RAB38: variants seen among roughly 807,000 people sequenced by gnomAD.
RAB38 encodes ras-related protein Rab-38.
Under a neutral mutation model 18.4 loss-of-function variants are expected in RAB38, and 15 were observed. The ratio of observed to expected loss-of-function variants is 0.82; its 90% CI spans 0.55 to 1.26. RAB38 has a LOEUF of 1.26. Ranked by LOEUF, RAB38 falls within the 50% of genes most tolerant of loss-of-function variation. The probability of loss-of-function intolerance (pLI) is 0.00; values close to 1 mark genes in which losing one functional copy is unlikely to be tolerated. For missense variants in RAB38, 294 were observed against 267.4 expected (o/e 1.10, Z -0.69); for synonymous variants, 101 against 104.4 (o/e 0.97, Z 0.20).
At chr11:87,949,322 G>T in the RAB38 span, among the ~76,000 whole-genome samples, 1 of 151,898 alleles carries the variant, frequency 6.6e-6, no homozygotes, top group African/African-American at 2.4e-5. Context: ...CAGTTTTGTT[G>T]ATCCTTTCAA....
the RAB38 span, among the ~76,000 whole-genome samples, chr11:87,877,987 A>G: frequency 6.6e-6 from 1 of 151,064 alleles, no homozygotes; most frequent in Non-Finnish European, 1.5e-5. Context: ...TTATCCTTGT[A>G]ACATGAAGCA....
the RAB38 span, among the ~76,000 whole-genome samples, chr11:87,933,940 A>G: frequency 6.6e-6 from 1 of 152,088 alleles, no homozygotes; most frequent in Non-Finnish European, 1.5e-5. Context: ...GAAAGGCATC[A>G]TGAAGAGAAG....
At chr11:87,963,262 C>T in the RAB38 span, among the ~76,000 whole-genome samples, 1 of 152,106 alleles carries the variant, frequency 6.6e-6, no homozygotes, top group Non-Finnish European at 1.5e-5. Flanking sequence ...CCACAGAGCC[C>T]TCTGTTTAGG....
chr11:87,956,160 A>C, the RAB38 span, among the ~76,000 whole-genome samples: 1 of 152,318 alleles, frequency 6.6e-6, no homozygotes, highest in African/African-American at 2.4e-5. Context: ...TATTTAACTT[A>C]TCTGAAAATA....
chr11:87,926,714 T>A, the RAB38 span, among the ~76,000 whole-genome samples: 1 of 151,964 alleles, frequency 6.6e-6, no homozygotes, highest in Non-Finnish European at 1.5e-5. Flanking sequence ...GCTTTATTAC[T>A]CAAGGATGAG....
the RAB38 span, among the ~76,000 whole-genome samples, chr11:87,962,712 T>C: frequency 1.1e-4 from 16 of 152,192 alleles, no homozygotes; most frequent in East Asian, 7.7e-4. Context: ...CCCTGAAAAT[T>C]TTTTCAGACG....
At chr11:88,102,024 C>T in the RAB38 span, among the ~76,000 whole-genome samples, 3 of 151,844 alleles carry the variant, frequency 2.0e-5, no homozygotes, top group Admixed American at 2.0e-4. Flanking sequence ...GTATGGTACG[C>T]ACAAGTAAAG....
At chr11:88,016,988 A>G in the RAB38 span, among the ~76,000 whole-genome samples, 28 of 152,118 alleles carry the variant, frequency 1.8e-4, no homozygotes, top group Non-Finnish European at 1.8e-4. Context: ...GATAAATGTT[A>G]ATAGGGAAAG....
the RAB38 span, among the ~76,000 whole-genome samples, chr11:87,930,916 T>G: frequency 6.6e-6 from 1 of 152,130 alleles, no homozygotes; most frequent in East Asian, 1.9e-4. Context: ...TCTGTTCCAT[T>G]GGTCTATATC....
intron 1 of RAB38, among the ~76,000 whole-genome samples, chr11:88,170,627 A>G (rs1449200355): frequency 6.6e-6 from 1 of 152,188 alleles, no homozygotes. Flanking sequence ...TACTTTGTCT[A>G]TGGGACAGTT....
chr11:87,946,910 A>G, the RAB38 span, among the ~76,000 whole-genome samples: 1 of 149,170 alleles, frequency 6.7e-6, no homozygotes, highest in African/African-American at 2.5e-5. Flanking sequence ...ATACCCAGTA[A>G]TGGGATGGCT....
chr11:88,041,536 A>G, the RAB38 span, among the ~76,000 whole-genome samples: 2 of 152,244 alleles, frequency 1.3e-5, no homozygotes, highest in Non-Finnish European at 2.9e-5. Context: ...TAAACTTTTT[A>G]TAGGTCAATG....
At chr11:87,834,219 C>G in the RAB38 span, among the ~76,000 whole-genome samples, 1 of 152,194 alleles carries the variant, frequency 6.6e-6, no homozygotes, top group Admixed American at 6.6e-5. Flanking sequence ...AACAAGGAAA[C>G]TGTGACTTCA....
At chr11:88,174,052 A>C in intron 1 of RAB38, 2 of 985,442 alleles carry the variant, frequency 2.0e-6, no homozygotes, top group Non-Finnish European at 2.4e-6. Context: ...CTGGTGTCAC[A>C]GACCATGAAA....
the RAB38 span, among the ~76,000 whole-genome samples, chr11:87,869,022 G>A: frequency 2.0e-5 from 3 of 151,718 alleles, no homozygotes; most frequent in Non-Finnish European, 3.0e-5. Flanking sequence ...TGACTTTCTA[G>A]CTGAGAACTT....
chr11:87,927,920 A>G, the RAB38 span, among the ~76,000 whole-genome samples: 1 of 151,902 alleles, frequency 6.6e-6, no homozygotes, highest in South Asian at 2.1e-4. Context: ...AAACAATTTG[A>G]AAAAAGAAAT....
At chr11:87,972,003 G>A in the RAB38 span, among the ~76,000 whole-genome samples, 13 of 151,714 alleles carry the variant, frequency 8.6e-5, no homozygotes, top group African/African-American at 3.1e-4. Flanking sequence ...ATGGAGTGTA[G>A]ACACATTAAC....
the RAB38 span, among the ~76,000 whole-genome samples, chr11:87,931,611 T>C: frequency 2.5e-3 from 385 of 152,228 alleles, no homozygotes; most frequent in Admixed American, 5.4e-3. Flanking sequence ...CATTCAAATG[T>C]CAGAACAGAA....
At chr11:88,015,786 G>GA in the RAB38 span, among the ~76,000 whole-genome samples, 3 of 152,240 alleles carry the variant, frequency 2.0e-5, no homozygotes, top group Admixed American at 1.3e-4. Context: ...TCTTAGAGAA[G>GA]AAAAATGTTT....
Sources: gnomAD v4.1 joint callset for allele counts (sites outside exome capture counted in the v4.1 genomes callset) on GRCh38, gnomAD v4.1.1 for gene constraint, MANE v1.5 for transcripts, NCBI Gene and HGNC (gene_info 2026-07-23, HGNC 2026-07-21) for gene names.